Variants in VPS13B observed in about 807,000 individuals in gnomAD.
VPS13B encodes the protein intermembrane lipid transfer protein VPS13B.
In VPS13B, 285 loss-of-function variants were observed where a neutral mutation model predicts 426.4. That is an observed-to-expected ratio of 0.67 (90% CI 0.61 to 0.74). The LOEUF is 0.74. VPS13B is among the 30% of genes least tolerant of loss of function. The probability of loss-of-function intolerance (pLI) is 0.00; values close to 1 mark genes in which losing one functional copy is unlikely to be tolerated. For missense variants in VPS13B, 4,537 were observed against 4,782.6 expected (o/e 0.95, Z 1.51); for synonymous variants, 1,676 against 1,676.4 (o/e 1.00, Z 0.01).
chr8:99,622,750 C>A (rs1234323719), intron 33 of VPS13B, among the ~76,000 whole-genome samples: 1 of 152,172 alleles, frequency 6.6e-6, no homozygotes, highest in Non-Finnish European at 1.5e-5. Flanking sequence ...ATATACAACA[C>A]CCTTTTCCAG....
intron 21 of VPS13B, among the ~76,000 whole-genome samples, chr8:99,393,657 G>C (rs946113193): frequency 1.3e-5 from 2 of 152,038 alleles, no homozygotes; most frequent in Admixed American, 1.3e-4. Flanking sequence ...TAATGCTTGT[G>C]ATTGCCCTGT....
rs1588648307 is a variant in VPS13B at position 99,714,499 on chromosome 8, A to G, written c.6455-2672A>G. 2.0e-5 allele frequency among the ~76,000 whole-genome samples: 3 copies of G among 152,302 alleles called. No homozygotes were observed. In the South Asian group the frequency reaches 6.2e-4, roughly 32 times the overall value. ...GTGAAAATTTGAAGAAAAAGAGCAT[A>G]TCTGCATAATCTCCAAGTGTCTCCC... On this transcript the variant is annotated intron_variant, in intron 36 of 61. Transcript: ENST00000357162.
intron 5 of VPS13B, 51 bp downstream of exon 5, chr8:99,103,171 C>T (rs1846852321): frequency 6.3e-7 from 1 of 1,597,636 alleles, no homozygotes; most frequent in Non-Finnish European, 8.6e-7. Context: ...GAAACAATTA[C>T]CTTAACTCTT....
At chr8:99,496,850 G>C (rs1820914769) in intron 25 of VPS13B, among the ~76,000 whole-genome samples, 1 of 151,724 alleles carries the variant, frequency 6.6e-6, no homozygotes, top group Admixed American at 6.6e-5. Context: ...CAATAAATGT[G>C]ATTTTAAAGG....
intron 2 of VPS13B, among the ~76,000 whole-genome samples, chr8:99,028,314 C>T (rs942907284): frequency 1.3e-5 from 2 of 151,078 alleles, no homozygotes; most frequent in Non-Finnish European, 3.0e-5. Context: ...CCTCACCTCC[C>T]GGACGGGGCG....
intron 34 of VPS13B, among the ~76,000 whole-genome samples, chr8:99,659,516 T>C (rs1006693058): frequency 3.3e-5 from 5 of 152,220 alleles, no homozygotes; most frequent in Non-Finnish European, 7.3e-5. Flanking sequence ...ATTGTTGATA[T>C]ACAATAGGAT....
Position 99,720,523 on chromosome 8 carries a change from C to A in VPS13B, c.6836C>A (p.Thr2279Lys). 6.2e-7 allele frequency: 1 copy of A among 1,613,968 alleles called. No homozygotes were observed. The highest frequency in any genetic ancestry group is 1.3e-5 in the African/African-American group (1 of 75,046). Residue 2279 changes from threonine to lysine, a missense_variant, in exon 38 of 62, where the codon ACA (threonine) becomes AAA (lysine). Physicochemically the swap from Thr to Lys is moderately conservative, Grantham distance 78 (BLOSUM62 -1). Around this residue, in one of 2 missense-constraint regions of VPS13B, gnomAD observed 4,311 missense variants for 4,474.3 expected, o/e 0.96. Transcript: ENST00000357162. ...KSEQSSDDLR[T>K]GLFQYVQDAE... Reference sequence around the variant, plus strand: ...GAACAAAGTTCAGATGACCTACGGACAGGTCTATTTCAGTATGTACAGGAT... The same window carrying A: ...GAACAAAGTTCAGATGACCTACGGAAAGGTCTATTTCAGTATGTACAGGAT...
chr8:99,614,477 A>G (rs1031081358), intron 33 of VPS13B, among the ~76,000 whole-genome samples: 1 of 151,890 alleles, frequency 6.6e-6, no homozygotes, highest in Non-Finnish European at 1.5e-5. Flanking sequence ...GGGTTTCTGC[A>G]TGTTTGGTCA....
In VPS13B at chr8:99,121,160, T is replaced by G. The variant is rs779953161; in HGVS notation, c.938-17T>G. ...ATCCTTTTGACTTATTTAAAATGAC[T>G]TAATTTTAATTGATAGGTTCTGAAG... On this transcript the variant is annotated splice_polypyrimidine_tract_variant and intron_variant, in intron 7 of 61. Transcript: ENST00000357162. 2 of 1,607,224 alleles carry G rather than the reference T, an allele frequency of 1.2e-6. No individual in the cohort carries two copies. The highest frequency in any genetic ancestry group is 4.5e-5 in the East Asian group (2 of 44,768).
intron 43 of VPS13B, among the ~76,000 whole-genome samples, chr8:99,791,564 G>A (rs974945760): frequency 1.3e-5 from 2 of 152,100 alleles, no homozygotes; most frequent in Non-Finnish European, 2.9e-5. Context: ...AGAAGATTGA[G>A]AATACAAACA....
chr8:99,193,823 T>C (rs1382084190), intron 17 of VPS13B, among the ~76,000 whole-genome samples: 1 of 152,194 alleles, frequency 6.6e-6, no homozygotes, highest in Non-Finnish European at 1.5e-5. Flanking sequence ...CATTAACTAA[T>C]GTAAAATACA....
intron 34 of VPS13B, among the ~76,000 whole-genome samples, chr8:99,654,690 C>T (rs1403959490): frequency 6.6e-6 from 1 of 152,008 alleles, no homozygotes; most frequent in Non-Finnish European, 1.5e-5. Flanking sequence ...GCAGAGGCTG[C>T]TTGGGAGCTT....
chr8:99,090,869 TCCTC>T (rs1374832078), intron 3 of VPS13B, among the ~76,000 whole-genome samples: 1 of 152,070 alleles, frequency 6.6e-6, no homozygotes. Flanking sequence ...TTTTTTTTCT[TCCTC>T]CCTGAATTTC....
At chr8:99,014,547 A>G (rs1018703809) in intron 2 of VPS13B, among the ~76,000 whole-genome samples, 2 of 152,110 alleles carry the variant, frequency 1.3e-5, no homozygotes, top group Admixed American at 1.3e-4. Flanking sequence ...TCAATTTTCA[A>G]GCATTATGAA....
At chr8:99,293,684 A>T (rs951540297) in intron 19 of VPS13B, among the ~76,000 whole-genome samples, 3 of 151,670 alleles carry the variant, frequency 2.0e-5, no homozygotes, top group African/African-American at 7.3e-5. Context: ...ATGAACTCAA[A>T]CAAATTTACA....
chr8:99,534,507 ATTTT>A (rs1253542830), intron 30 of VPS13B, among the ~76,000 whole-genome samples: 1 of 152,174 alleles, frequency 6.6e-6, no homozygotes, highest in Non-Finnish European at 1.5e-5. Flanking sequence ...TTTCTAATAT[ATTTT>A]GGTTATATTA....
At chr8:99,445,482 A>C (rs1005829357) in intron 23 of VPS13B, among the ~76,000 whole-genome samples, 4 of 149,242 alleles carry the variant, frequency 2.7e-5, no homozygotes, top group African/African-American at 9.8e-5. Flanking sequence ...TAATTAACTA[A>C]GTATATATAA....
chr8:99,142,930 T>C, intron 12 of VPS13B, 44 bp from the exon 13 acceptor site: 1 of 1,559,772 alleles, frequency 6.4e-7, no homozygotes, highest in Non-Finnish European at 8.7e-7. Context: ...ATTTACTTGG[T>C]ATATCCAATT....
chr8:99,800,446 C>CT (rs34491406), intron 43 of VPS13B, among the ~76,000 whole-genome samples: 5 of 152,062 alleles, frequency 3.3e-5, no homozygotes, highest in East Asian at 1.9e-4. Context: ...TCATTTCATA[C>CT]TTTTTTAACT....
Sources: allele counts gnomAD v4.1 joint callset (sites outside exome capture counted in the v4.1 genomes callset), GRCh38; gene constraint gnomAD v4.1.1; regional missense constraint gnomAD v4.1.1; transcripts MANE v1.5; gene names NCBI Gene and HGNC (gene_info 2026-07-23, HGNC 2026-07-21).